PARD3B: variants seen among roughly 807,000 people sequenced by gnomAD.
The protein encoded by PARD3B is par-3 family cell polarity regulator beta.
A neutral mutation model predicts 130.2 loss-of-function variants in PARD3B; 103 were observed. The ratio of observed to expected loss-of-function variants is 0.79; its 90% CI spans 0.67 to 0.93. The LOEUF (loss-of-function observed/expected upper bound fraction) is 0.93. PARD3B is among the 40% of genes least tolerant of loss of function. PARD3B has a pLI of 0.00. For missense variants in PARD3B, 1,609 were observed against 1,499.2 expected, an observed-to-expected ratio of 1.07 and a Z score of -1.21; for synonymous variants, 583 against 553.2, an observed-to-expected ratio of 1.05 and a Z score of -0.76.
chr2:205,205,085 G>A (rs1324767285), intron 15 of PARD3B, among the ~76,000 whole-genome samples: 1 of 152,098 alleles, frequency 6.6e-6, no homozygotes, highest in Non-Finnish European at 1.5e-5. Context: ...CCCTAAGCAT[G>A]GAATGTTTTT....
chr2:204,862,498 A>G (rs1575157832), intron 2 of PARD3B, among the ~76,000 whole-genome samples: 1 of 152,292 alleles, frequency 6.6e-6, no homozygotes, highest in East Asian at 1.9e-4. Flanking sequence ...CACATTTACC[A>G]CTGGACTCCT....
intron 16 of PARD3B, among the ~76,000 whole-genome samples, chr2:205,259,156 A>G (rs4673316): frequency 3.3e-5 from 5 of 152,112 alleles, no homozygotes; most frequent in Admixed American, 3.3e-4. Context: ...TGTTTTATGC[A>G]TTCAATATTT....
rs1373105221 is a variant in PARD3B, at chr2:205,458,268, TCTC to T, written c.3044+17600_3044+17602del. ...TTCTGTTCCCTCCTGCTCCTCTTCC[TCTC>T]CTCTTCTTCCTCTTGTCTTCCTCCT... On this transcript the variant is annotated intron_variant, in intron 20 of 22. Coordinates refer to ENST00000406610, the MANE Select transcript of PARD3B (RefSeq NM_001302769.2). The surrounding 1 kb of genome is among the most constrained non-coding windows in gnomAD (Gnocchi z 4.8). 1.3e-5 allele frequency among the ~76,000 whole-genome samples: 2 copies of T among 152,090 alleles called. No individual in the cohort carries two copies. The highest frequency in any genetic ancestry group is 2.4e-5 in the African/African-American group (1 of 41,434).
chr2:204,742,200 G>A (rs761810134), intron 2 of PARD3B, among the ~76,000 whole-genome samples: 2 of 152,062 alleles, frequency 1.3e-5, no homozygotes, highest in Non-Finnish European at 2.9e-5. Flanking sequence ...TTTATGTAAG[G>A]TAGCTTTATA....
intron 21 of PARD3B, among the ~76,000 whole-genome samples, chr2:205,512,546 C>T (rs949559959): frequency 5.3e-5 from 8 of 152,102 alleles, no homozygotes; most frequent in African/African-American, 1.7e-4. Context: ...ATGAGAGAAA[C>T]GTATTTTCTG....
At chr2:205,019,731 A>C (rs1340976074) in intron 3 of PARD3B, among the ~76,000 whole-genome samples, 4 of 152,128 alleles carry the variant, frequency 2.6e-5, no homozygotes, top group Non-Finnish European at 5.9e-5. Flanking sequence ...CTGAAGGTAG[A>C]ATGGATGGTT....
chr2:205,088,102 A>G (rs1176969359), intron 4 of PARD3B, among the ~76,000 whole-genome samples: 1 of 152,228 alleles, frequency 6.6e-6, no homozygotes, highest in Non-Finnish European at 1.5e-5. Context: ...TGCAACTGTG[A>G]TCCAAATGAT....
At chr2:205,380,738 A>G (rs2045352993) in intron 18 of PARD3B, among the ~76,000 whole-genome samples, 1 of 103,210 alleles carries the variant, frequency 9.7e-6, no homozygotes, top group Non-Finnish European at 1.7e-5. Flanking sequence ...TAAAGAATAT[A>G]CATTATATAT....
At chr2:205,029,956 A>AT (rs1334152850) in intron 3 of PARD3B, among the ~76,000 whole-genome samples, 2 of 152,222 alleles carry the variant, frequency 1.3e-5, no homozygotes, top group Non-Finnish European at 2.9e-5. Flanking sequence ...CTTTGGAGCT[A>AT]TTTTTCCCGC....
At chr2:205,611,361 G>A (rs1459313588) in intron 22 of PARD3B, among the ~76,000 whole-genome samples, 2 of 152,144 alleles carry the variant, frequency 1.3e-5, no homozygotes, top group Non-Finnish European at 2.9e-5. Context: ...TAAACTGAAG[G>A]TAGTCAGCAC....
chr2:205,476,821 C>G (rs911074361), intron 20 of PARD3B, among the ~76,000 whole-genome samples: 2 of 152,054 alleles, frequency 1.3e-5, no homozygotes, highest in Admixed American at 1.3e-4. Flanking sequence ...AAGAATTTAT[C>G]CCCTAATCAT....
Position 205,253,626 on chromosome 2 carries a change from C to G in PARD3B, c.2185+7804C>G, listed in dbSNP as rs1412476272. ...AAGAAGCCTCCTTGGGGTTCCATTA[C>G]CCACACTCCAAGGTGGAAATCTTTC... On this transcript the variant is annotated intron_variant, in intron 16 of 22. Transcript: ENST00000406610. This position sits in a 1 kb window ranked among gnomAD's most constrained non-coding sequence, Gnocchi z 4.4. 2.7e-6 allele frequency: 1 copy of G among 371,804 alleles called. No homozygotes were observed. Among genetic ancestry groups the G allele is most frequent in the Non-Finnish European group, 5.3e-6 (1 of 189,624 alleles). 23.0% of individuals were successfully genotyped at this position (371,804 alleles called of 1,614,324 possible). A position where few individuals can be genotyped will look rare whatever the true frequency, so the allele number is the denominator to read the frequency against.
At chr2:205,522,070 GTTTTTAGTGTAT>G (rs2051088270) in intron 21 of PARD3B, among the ~76,000 whole-genome samples, 1 of 149,292 alleles carries the variant, frequency 6.7e-6, no homozygotes, top group African/African-American at 2.5e-5. Context: ...AGATTTTTAA[GTTTTTAGTGTAT>G]TTTATCTTTA....
At chr2:204,609,180 G>C (rs2033837492) in intron 1 of PARD3B, among the ~76,000 whole-genome samples, 1 of 152,156 alleles carries the variant, frequency 6.6e-6, no homozygotes. Flanking sequence ...TTAAAATTAA[G>C]TCTTTGAGTG....
chr2:205,562,259 TATTA>T lies in PARD3B; in HGVS notation c.3260+8861_3260+8864del, dbSNP rs760502878. On this transcript the variant is annotated intron_variant, in intron 22 of 22. Coordinates refer to ENST00000406610, the MANE Select transcript of PARD3B (RefSeq NM_001302769.2). This position sits in a 1 kb window ranked among gnomAD's most constrained non-coding sequence, Gnocchi z 5.4. ...CCTTGATGCCAGTTAGAATATTTGA[TATTA>T]ATTATTCAGTCAAAGGCCTCCATTA... is the stretch of plus-strand genomic sequence containing the variant. 2.6e-5 allele frequency among the ~76,000 whole-genome samples: 4 copies of T among 152,220 alleles called. No homozygotes were observed. Among genetic ancestry groups the T allele is most frequent in the African/African-American group, 7.2e-5 (3 of 41,458 alleles).
chr2:204,760,291 T>G (rs1289623501), intron 2 of PARD3B, among the ~76,000 whole-genome samples: 6 of 152,118 alleles, frequency 3.9e-5, no homozygotes, highest in Non-Finnish European at 7.4e-5. Context: ...AATTAATATT[T>G]ATTTTTGAAT....
intron 18 of PARD3B, among the ~76,000 whole-genome samples, chr2:205,315,644 A>AGTTTGTTT (rs372865103): frequency 6.6e-6 from 1 of 152,014 alleles, no homozygotes; most frequent in Non-Finnish European, 1.5e-5. Flanking sequence ...TTCTCGTCCC[A>AGTTTGTTT]GTTTGTTTGT....
chr2:205,369,639 C>T (rs778978759), intron 18 of PARD3B, among the ~76,000 whole-genome samples: 16 of 152,200 alleles, frequency 1.1e-4, no homozygotes, highest in Non-Finnish European at 1.8e-4. Flanking sequence ...AGACCCAGGT[C>T]AAGTCCTCTA....
chr2:205,550,955 G>GTGTATATATATATATA lies in PARD3B; in HGVS notation c.3181-2368_3181-2367insGTATATATATATATAT, dbSNP rs796567936. The stretch of plus-strand genomic sequence containing the variant: ...TGTGTGTGTGTGTATATATATATGT[G>GTGTATATATATATATA]TATATATATATATATATATATACAC... On this transcript the variant is annotated intron_variant, in intron 21 of 22. Transcript: ENST00000406610. This position sits in a 1 kb window ranked among gnomAD's most constrained non-coding sequence, Gnocchi z 4.5. 1.1e-5 allele frequency among the ~76,000 whole-genome samples: 1 copy of GTGTATATATATATATA among 94,466 alleles called. No individual in the cohort carries two copies. The highest frequency in any genetic ancestry group is 3.8e-5 in the African/African-American group (1 of 26,370). 62.0% of individuals were successfully genotyped at this position (94,466 alleles called of 152,430 possible).
Sources: gnomAD v4.1 joint callset for allele counts (sites outside exome capture counted in the v4.1 genomes callset) on GRCh38, gnomAD v4.1.1 for gene constraint, Gnocchi (gnomAD v3.1) non-coding constraint, MANE v1.5 for transcripts, NCBI Gene and HGNC (gene_info 2026-07-23, HGNC 2026-07-21) for gene names.